Variants in TSPAN8 observed in about 807,000 individuals in gnomAD.
TSPAN8 encodes tetraspanin 8, also known as tetraspanin-8.
A neutral mutation model predicts 32.8 loss-of-function variants in TSPAN8; 21 were observed. That is an observed-to-expected ratio of 0.64 (90% confidence interval 0.45 to 0.92). TSPAN8 has a LOEUF of 0.92. TSPAN8 is among the 40% of genes least tolerant of loss of function. TSPAN8 has a pLI of 0.00. For missense variants in TSPAN8, 269 were observed against 281.9 expected (o/e 0.95, Z 0.33); for synonymous variants, 95 against 94.6 (o/e 1.00, Z -0.03).
chr12:71,154,193 C>A (rs1226504190), intron 2 of TSPAN8, among the ~76,000 whole-genome samples: 2 of 151,846 alleles, frequency 1.3e-5, no homozygotes, highest in African/African-American at 4.8e-5. Context: ...GCCTGTAATC[C>A]CAGCTACTCG....
chr12:71,154,839 G>A (rs1872373351), intron 2 of TSPAN8, among the ~76,000 whole-genome samples: 1 of 152,164 alleles, frequency 6.6e-6, no homozygotes, highest in African/African-American at 2.4e-5. Context: ...ATAAGCAAGT[G>A]ATCTGGAACA....
At chr12:71,138,931 C>G (rs192431192) in intron 4 of TSPAN8, among the ~76,000 whole-genome samples, 1 of 143,112 alleles carries the variant, frequency 7.0e-6, no homozygotes, top group Non-Finnish European at 1.5e-5. Context: ...ACCTGATAAA[C>G]TTTTATGTCA....
At chr12:71,136,570 G>C (rs1871703966) in intron 6 of TSPAN8, among the ~76,000 whole-genome samples, 1 of 152,110 alleles carries the variant, frequency 6.6e-6, no homozygotes, top group East Asian at 1.9e-4. Flanking sequence ...GTTGTTCAAG[G>C]GACCCTGAGT....
chr12:71,155,747 T>C (rs1018019686), intron 2 of TSPAN8, among the ~76,000 whole-genome samples: 8 of 152,058 alleles, frequency 5.3e-5, no homozygotes, highest in African/African-American at 1.9e-4. Context: ...TTTTTTTTTT[T>C]CTGAGATGGA....
chr12:71,129,366 C>G lies in TSPAN8; in HGVS notation c.625G>C (p.Val209Leu), dbSNP rs150570864. ...KDFLAKNLII[V>L]IGISFGLAVI... ...GCCAGTCCAAATGATATTCCAATAACTATAATCAAATTTTTTGCCAAGAAG... is the reference window on the plus strand; with the variant it reads ...GCCAGTCCAAATGATATTCCAATAAGTATAATCAAATTTTTTGCCAAGAAG... The change falls in exon 8 of 9, where the codon GTT (valine) becomes CTT (leucine). Residue 209 changes from valine (V) to leucine (L), a missense_variant. Val to Leu is a conservative substitution (Grantham distance 32). Coordinates refer to ENST00000247829, the MANE Select transcript of TSPAN8 (RefSeq NM_004616.3). The G allele has an allele frequency of 1.2e-5, 19 of 1,583,770 alleles. No homozygotes were observed. The highest frequency in any genetic ancestry group is 9.0e-5 in the Admixed American group (5 of 55,452).
chr12:71,142,853 A>AC (rs967850541), intron 3 of TSPAN8, among the ~76,000 whole-genome samples: 74 of 151,344 alleles, frequency 4.9e-4, no homozygotes, highest in African/African-American at 1.5e-3. Flanking sequence ...AAAACAAAAA[A>AC]AAAAAAAACA....
rs1399961575 is a variant in TSPAN8 at position 71,139,776 on chromosome 12, T to C, written c.196A>G (p.Ile66Val). 3 of 1,613,976 alleles carry C rather than the reference T, an allele frequency of 1.9e-6. No individual in the cohort carries two copies. The African/African-American group carries it at 4.0e-5, about 22-fold the overall frequency. The change falls in exon 4 of 9, where the codon ATC becomes GTC. Residue 66 changes from isoleucine (I) to valine (V), a missense_variant. Transcript: ENST00000247829. Reference sequence around the variant, plus strand: ...CATCCCAGGAAGCCCAGAATCATGATGATGGCACCTACAGCAATCAATATG... The same window carrying C: ...CATCCCAGGAAGCCCAGAATCATGACGATGGCACCTACAGCAATCAATATG... Reference protein sequence around the residue: ...VDILIAVGAIIMILGFLGCCG... With the variant: ...VDILIAVGAIVMILGFLGCCG...
rs763217771 is a variant in TSPAN8, at chr12:71,156,250, C to CAAAAAAAAAAAA, written c.60+1357_60+1368dup. Among the ~76,000 whole-genome samples, 58 of 24,308 alleles carry CAAAAAAAAAAAA rather than the reference C, an allele frequency of 2.4e-3. 1 individual carries two copies. The highest frequency in any genetic ancestry group is 4.6e-3 in the African/African-American group (20 of 4,304). 15.9% of individuals were successfully genotyped at this position (24,308 alleles called of 152,430 possible). A position where few individuals can be genotyped will look rare whatever the true frequency, so the allele number is the denominator to read the frequency against. ...TCTTTAGTGAATATTCAAAGTTCTC[C>CAAAAAAAAAAAA]AAAAAAAAAAAAAAAAAACAAACAA... On this transcript the variant is annotated intron_variant, in intron 2 of 8. Coordinates refer to ENST00000247829, the MANE Select transcript of TSPAN8 (RefSeq NM_004616.3).
At chr12:71,132,621 T>G in intron 7 of TSPAN8, 72 bp downstream of exon 7, 1 of 1,548,532 alleles carries the variant, frequency 6.5e-7, no homozygotes. Flanking sequence ...ATTTTAATTT[T>G]TTGTAGGGAC....
intron 6 of TSPAN8, among the ~76,000 whole-genome samples, chr12:71,135,366 AAGAAGG>A (rs1190308006): frequency 7.2e-6 from 1 of 138,018 alleles, no homozygotes; most frequent in African/African-American, 2.7e-5. Context: ...AAAGAAGAAG[AAGAAGG>A]AGGAGGAGGA....
At chr12:71,149,224 C>A (rs962290918) in intron 2 of TSPAN8, among the ~76,000 whole-genome samples, 2 of 151,850 alleles carry the variant, frequency 1.3e-5, no homozygotes, top group Non-Finnish European at 2.9e-5. Context: ...AAAAATTAGC[C>A]GAGTGTGGTG....
chr12:71,151,767 C>T (rs1385387429), intron 2 of TSPAN8, among the ~76,000 whole-genome samples: 1 of 152,178 alleles, frequency 6.6e-6, no homozygotes, highest in Non-Finnish European at 1.5e-5. Flanking sequence ...ATATTCCTAC[C>T]TTGACAAATG....
chr12:71,132,630 A>C (rs1318503240), intron 7 of TSPAN8, 63 bp downstream of exon 7: 38 of 1,570,234 alleles, frequency 2.4e-5, no homozygotes, highest in Non-Finnish European at 3.3e-5. Context: ...TTTTGTAGGG[A>C]CTTTAATTGT....
At chr12:71,146,734 T>C (rs1872090644) in intron 2 of TSPAN8, among the ~76,000 whole-genome samples, 1 of 152,132 alleles carries the variant, frequency 6.6e-6, no homozygotes, top group African/African-American at 2.4e-5. Context: ...CAGCCATCAT[T>C]TTATGGAATT....
chr12:71,146,358 G>A (rs140023875), intron 2 of TSPAN8, among the ~76,000 whole-genome samples: 2 of 152,090 alleles, frequency 1.3e-5, no homozygotes, highest in East Asian at 1.9e-4. Context: ...GAAATTATTC[G>A]TAACTTTGTT....
intron 6 of TSPAN8, among the ~76,000 whole-genome samples, chr12:71,134,972 A>T (rs984948891): frequency 2.6e-5 from 4 of 152,208 alleles, no homozygotes; most frequent in Admixed American, 2.6e-4. Flanking sequence ...GCCTCTAGAC[A>T]AATAATAATG....
At chr12:71,143,171 A>C (rs1871959022) in intron 3 of TSPAN8, among the ~76,000 whole-genome samples, 1 of 152,166 alleles carries the variant, frequency 6.6e-6, no homozygotes, top group Non-Finnish European at 1.5e-5. Flanking sequence ...GAGCCCAGAA[A>C]ACAAAGAACA....
At chr12:71,129,010 G>A (rs1451280431) in intron 8 of TSPAN8, among the ~76,000 whole-genome samples, 2 of 64,010 alleles carry the variant, frequency 3.1e-5, no homozygotes, top group African/African-American at 6.6e-5. Flanking sequence ...TGTAACCCCT[G>A]TGCTAGTTTT....
intron 4 of TSPAN8, chr12:71,139,333 C>T (rs1420479076): frequency 6.7e-6 from 3 of 446,974 alleles, no homozygotes; most frequent in African/African-American, 5.9e-5. Context: ...AATCCCATCC[C>T]CTGTCTTGCC....
Sources: allele counts gnomAD v4.1 joint callset (sites outside exome capture counted in the v4.1 genomes callset), GRCh38; gene constraint gnomAD v4.1.1; transcripts MANE v1.5; gene names NCBI Gene and HGNC (gene_info 2026-07-23, HGNC 2026-07-21).